Variants in PLD1 observed in about 807,000 individuals in gnomAD.
The protein encoded by PLD1 is phospholipase D1.
A neutral mutation model predicts 137.1 loss-of-function variants in PLD1; 112 were observed. The ratio of observed to expected loss-of-function variants is 0.82; its 90% CI spans 0.70 to 0.96. The LOEUF (loss-of-function observed/expected upper bound fraction) is 0.96, where lower values mean the gene tolerates loss of function less well. Ranked by LOEUF, PLD1 falls within the 40% of genes least tolerant of loss-of-function variation. The probability of loss-of-function intolerance (pLI) is 0.00; values close to 1 mark genes in which losing one functional copy is unlikely to be tolerated. For missense variants in PLD1, 1,321 were observed against 1,342.0 expected (o/e 0.98, Z 0.24); for synonymous variants, 431 against 454.7 (o/e 0.95, Z 0.66).
At chr3:171,766,896 A>G (rs1047022171) in intron 1 of PLD1, among the ~76,000 whole-genome samples, 1 of 152,194 alleles carries the variant, frequency 6.6e-6, no homozygotes, top group African/African-American at 2.4e-5. Flanking sequence ...ACTTATTTGT[A>G]ACACGTTTAA....
At position 171,676,214 on chromosome 3, in the gene PLD1, C is replaced by T. The variant is rs185110797; in HGVS notation, c.2115+501G>A. The stretch of plus-strand genomic sequence containing the variant: ...CAAGTTCTTACAAGTAATGAGGACA[C>T]AATCTGGATAAAAGGAAAATGGCCC... On this transcript the variant is annotated intron_variant, in intron 18 of 26. Coordinates refer to ENST00000351298, the MANE Select transcript of PLD1 (RefSeq NM_002662.5). Among the ~76,000 whole-genome samples, 8 of 152,248 alleles carry T rather than the reference C, an allele frequency of 5.3e-5. No individual in the cohort carries two copies. In the East Asian group the frequency reaches 1.4e-3, roughly 26 times the overall value.
At chr3:171,640,118 T>C (rs1735618369) in intron 23 of PLD1, among the ~76,000 whole-genome samples, 2 of 151,850 alleles carry the variant, frequency 1.3e-5, no homozygotes, top group Non-Finnish European at 2.9e-5. Flanking sequence ...AAGCTAACTT[T>C]TGGTTTCACT....
In PLD1 at chr3:171,715,437, T is replaced by C. The variant is rs1480064247; in HGVS notation, c.759-1392A>G. ...TTTTGTTTTTGTTTTTTGCTCAGGA[T>C]TGCTTTGGCTGTTCAGGGTCTTTTG... On this transcript the variant is annotated intron_variant, in intron 8 of 26. Coordinates refer to ENST00000351298, the MANE Select transcript of PLD1 (RefSeq NM_002662.5). Among the ~76,000 whole-genome samples the C allele has an allele frequency of 2.0e-5, 3 of 152,226 alleles. No homozygotes were observed. The East Asian group carries it at 5.8e-4, about 29-fold the overall frequency.
chr3:171,780,124 G>C (rs1722741685), intron 1 of PLD1, among the ~76,000 whole-genome samples: 1 of 139,014 alleles, frequency 7.2e-6, no homozygotes, highest in African/African-American at 3.4e-5. Flanking sequence ...TTCAGGAATG[G>C]GGTTTGGATA....
At chr3:171,754,439 T>C (rs1312462504) in intron 1 of PLD1, among the ~76,000 whole-genome samples, 1 of 152,202 alleles carries the variant, frequency 6.6e-6, no homozygotes, top group East Asian at 1.9e-4. Context: ...ATTAAGGTCA[T>C]ACTGTGAAAC....
chr3:171,631,987 A>G (rs1439781023), intron 23 of PLD1, among the ~76,000 whole-genome samples: 3 of 152,182 alleles, frequency 2.0e-5, no homozygotes, highest in African/African-American at 7.2e-5. Context: ...ATATACACCT[A>G]AAGTGTTTTC....
chr3:171,763,508 A>G (rs1213828112), intron 1 of PLD1, among the ~76,000 whole-genome samples: 17 of 12,900 alleles, frequency 1.3e-3, no homozygotes, highest in East Asian at 3.0e-3. Context: ...GGGGGAGGGG[A>G]GGAGGGGAAG....
chr3:171,603,296 G>A lies in PLD1; in HGVS notation c.3007C>T (p.Arg1003Trp), dbSNP rs746839761. The A allele has an allele frequency of 1.6e-5, 26 of 1,612,110 alleles. No individual in the cohort carries two copies. The highest frequency in any genetic ancestry group is 4.5e-5 in the East Asian group (2 of 44,856). ...TGTACTTCATCATTGGGAAGGCACC[G>A]GAAAACCTGATTAGAGCATAAATAG... Reference protein sequence around the residue: ...RNATIYDKVFRCLPNDEVHNL... With the variant: ...RNATIYDKVFWCLPNDEVHNL... The change falls in exon 27 of 27, where the codon CGG becomes TGG. Residue 1003 changes from arginine (R) to tryptophan (W), a missense_variant. Physicochemically the swap from Arg to Trp is moderately radical, Grantham distance 101. Coordinates refer to ENST00000351298, the MANE Select transcript of PLD1 (RefSeq NM_002662.5).
At chr3:171,780,292 A>G (rs1218651404) in intron 1 of PLD1, among the ~76,000 whole-genome samples, 2 of 151,280 alleles carry the variant, frequency 1.3e-5, no homozygotes, top group Non-Finnish European at 2.9e-5. Flanking sequence ...ATTTGGATCC[A>G]TAAGTCTAAC....
At chr3:171,656,721 A>G (rs1484251377) in intron 21 of PLD1, among the ~76,000 whole-genome samples, 1 of 152,230 alleles carries the variant, frequency 6.6e-6, no homozygotes, top group Non-Finnish European at 1.5e-5. Context: ...ACTGCAGGAT[A>G]TGATGGATGC....
chr3:171,726,220 TAA>T, intron 6 of PLD1, 144 bp from the exon 7 acceptor site: 1 of 624,104 alleles, frequency 1.6e-6, no homozygotes. Flanking sequence ...GGCATTGCAC[TAA>T]AAGAGTGCAG....
At chr3:171,702,256 T>C (rs147809914) in intron 11 of PLD1, among the ~76,000 whole-genome samples, 189 of 152,180 alleles carry the variant, frequency 1.2e-3, no homozygotes, top group Non-Finnish European at 2.0e-3. Context: ...GAGGCTAAAA[T>C]GGGAGGATTG....
rs939232146 is a variant in PLD1, at chr3:171,600,710, C to T, written c.*2368G>A. 1 of 151,206 alleles carries T rather than the reference C, an allele frequency of 6.6e-6. No homozygotes were observed. Among genetic ancestry groups the T allele is most frequent in the African/African-American group, 2.4e-5 (1 of 41,170 alleles). The allele number at this position is 151,206 out of a possible 1,614,324, so 9.4% of individuals were successfully genotyped here. A position where few individuals can be genotyped will look rare whatever the true frequency, so the allele number is the denominator to read the frequency against. On this transcript the variant is annotated 3_prime_UTR_variant, in exon 27 of 27. Transcript: ENST00000351298. ...ATTGCACTGAATTTTCCATAAAATC[C>T]CTCCAAGTAAATCTTATCACCCCTT...
At chr3:171,758,564 ACT>A (rs1248693308) in intron 1 of PLD1, among the ~76,000 whole-genome samples, 1 of 152,164 alleles carries the variant, frequency 6.6e-6, no homozygotes, top group African/African-American at 2.4e-5. Context: ...CCTTGGCCAC[ACT>A]CTGGAAACAG....
intron 1 of PLD1, among the ~76,000 whole-genome samples, chr3:171,808,386 A>T (rs1425735058): frequency 6.6e-6 from 1 of 152,024 alleles, no homozygotes; most frequent in Non-Finnish European, 1.5e-5. Flanking sequence ...AATACAAAAA[A>T]TCAACCGGGC....
intron 24 of PLD1, among the ~76,000 whole-genome samples, chr3:171,618,720 ATGTGTGTGTGTGTG>A (rs199668732): frequency 2.8e-5 from 4 of 140,656 alleles, no homozygotes; most frequent in Admixed American, 7.1e-5. Flanking sequence ...AAAAGTGTGT[ATGTGTGTGTGTGTG>A]TGTGTGTGTG....
At chr3:171,774,258 G>A (rs142128581) in intron 1 of PLD1, among the ~76,000 whole-genome samples, 1 of 152,176 alleles carries the variant, frequency 6.6e-6, no homozygotes, top group Non-Finnish European at 1.5e-5. Flanking sequence ...AGTGGATAAG[G>A]CCTGCACTGT....
intron 11 of PLD1, among the ~76,000 whole-genome samples, chr3:171,700,969 G>C (rs1470182768): frequency 1.3e-5 from 2 of 152,218 alleles, no homozygotes; most frequent in African/African-American, 4.8e-5. Flanking sequence ...CTAGACCTGA[G>C]GCAGCAGAGG....
chr3:171,640,896 C>T (rs1194012104), intron 23 of PLD1, among the ~76,000 whole-genome samples: 1 of 152,214 alleles, frequency 6.6e-6, no homozygotes, highest in African/African-American at 2.4e-5. Flanking sequence ...GTTACTGCCT[C>T]TTCAGTCAGC....
Sources: allele counts gnomAD v4.1 joint callset (sites outside exome capture counted in the v4.1 genomes callset), GRCh38; gene constraint gnomAD v4.1.1; transcripts MANE v1.5; gene names NCBI Gene and HGNC (gene_info 2026-07-23, HGNC 2026-07-21).